The following ROBO1 variants were observed in gnomAD, a reference collection of about 807,000 sequenced individuals.
The protein encoded by ROBO1 is roundabout homolog 1.
In ROBO1, 149 loss-of-function variants were observed where a neutral mutation model predicts 195.9. That is an observed-to-expected ratio of 0.76 (90% CI 0.67 to 0.87). The LOEUF is 0.87. Ranked by LOEUF, ROBO1 falls within the 40% of genes least tolerant of loss-of-function variation. ROBO1 has a pLI of 0.00. For synonymous variants in ROBO1, 816 were observed against 733.2 expected (o/e 1.11, Z -1.82); for missense variants, 1,933 against 2,068.3 (o/e 0.93, Z 1.27).
intron 3 of ROBO1, among the ~76,000 whole-genome samples, chr3:79,121,979 A>G (rs2080125178): frequency 6.6e-6 from 1 of 152,042 alleles, no homozygotes; most frequent in African/African-American, 2.4e-5. Flanking sequence ...ATCTATACAT[A>G]AATTATACGT....
intron 2 of ROBO1, among the ~76,000 whole-genome samples, chr3:79,202,154 C>T (rs1366080834): frequency 1.3e-5 from 2 of 151,910 alleles, no homozygotes; most frequent in African/African-American, 4.8e-5. Context: ...TAGCTGTTTC[C>T]TTGCCTGAAT....
At chr3:78,936,979 A>G (rs1056086539) in intron 4 of ROBO1, among the ~76,000 whole-genome samples, 1 of 152,170 alleles carries the variant, frequency 6.6e-6, no homozygotes, top group African/African-American at 2.4e-5. Context: ...GTTCATTGTT[A>G]GTTAACTGTG....
intron 1 of ROBO1, among the ~76,000 whole-genome samples, chr3:79,726,494 G>A (rs1299433111): frequency 6.6e-6 from 1 of 151,952 alleles, no homozygotes; most frequent in Non-Finnish European, 1.5e-5. Context: ...ATAATCATGG[G>A]GCAGCTTGTA....
At chr3:78,871,824 C>G (rs2035569119) in intron 4 of ROBO1, among the ~76,000 whole-genome samples, 1 of 149,918 alleles carries the variant, frequency 6.7e-6, no homozygotes, top group African/African-American at 2.5e-5. Context: ...AAATTTTGGT[C>G]TGACACAGAC....
intron 3 of ROBO1, among the ~76,000 whole-genome samples, chr3:79,023,287 T>C (rs1023013298): frequency 6.6e-6 from 1 of 152,186 alleles, no homozygotes; most frequent in African/African-American, 2.4e-5. Flanking sequence ...GTATTTAAAT[T>C]GATGAACTGA....
intron 2 of ROBO1, among the ~76,000 whole-genome samples, chr3:79,141,971 TG>T (rs768216793): frequency 2.2e-4 from 33 of 151,996 alleles, no homozygotes; most frequent in South Asian, 6.2e-4. Flanking sequence ...CTGACATTTG[TG>T]GTTTTTTTTG....
intron 3 of ROBO1, among the ~76,000 whole-genome samples, chr3:79,100,713 C>A (rs936611777): frequency 6.6e-6 from 1 of 151,746 alleles, no homozygotes; most frequent in Non-Finnish European, 1.5e-5. Context: ...GGATTGTGGG[C>A]TTTTGTGCTC....
chr3:79,719,797 C>T (rs1221714597), intron 1 of ROBO1, among the ~76,000 whole-genome samples: 1 of 152,008 alleles, frequency 6.6e-6, no homozygotes, highest in Admixed American at 6.6e-5. Flanking sequence ...AAAACAAATA[C>T]TTTTGTTGTT....
chr3:78,634,170 CT>C lies in ROBO1; in HGVS notation c.3374-129del, dbSNP rs878884570. 37 of 552,032 alleles carry C rather than the reference CT, an allele frequency of 6.7e-5. 1 individual carries two copies. The South Asian group carries it at 9.6e-4, about 14-fold the overall frequency. 34.2% of individuals were successfully genotyped at this position (552,032 alleles called of 1,614,324 possible). ...TGGACCATTTATTTGCCTTTTTTCT[CT>C]TCTATTGTTGTATTCAGATTGTCAG... On this transcript the variant is annotated intron_variant, in intron 23 of 30. Coordinates refer to ENST00000464233, the MANE Select transcript of ROBO1 (RefSeq NM_002941.4).
At chr3:79,723,163 G>A (rs766604053) in intron 1 of ROBO1, among the ~76,000 whole-genome samples, 1 of 152,166 alleles carries the variant, frequency 6.6e-6, no homozygotes. Flanking sequence ...CCGTGACAAT[G>A]TTGGATCGTA....
At chr3:78,915,086 C>T (rs562744600) in intron 4 of ROBO1, among the ~76,000 whole-genome samples, 88 of 152,052 alleles carry the variant, frequency 5.8e-4, no homozygotes, top group African/African-American at 2.1e-3. Context: ...ACTCTTATTC[C>T]GCATGTGGCA....
intron 3 of ROBO1, among the ~76,000 whole-genome samples, chr3:78,958,223 A>G (rs74504233): frequency 6.6e-6 from 1 of 152,228 alleles, no homozygotes; most frequent in African/African-American, 2.4e-5. Flanking sequence ...TTTCTTACCT[A>G]TTCAGTCATA....
At chr3:79,479,937 T>G (rs1938749071) in intron 2 of ROBO1, among the ~76,000 whole-genome samples, 1 of 152,174 alleles carries the variant, frequency 6.6e-6, no homozygotes, top group Non-Finnish European at 1.5e-5. Context: ...CATTCCCTAG[T>G]TTTCCTTTTA....
intron 1 of ROBO1, among the ~76,000 whole-genome samples, chr3:79,643,136 G>C (rs1387353129): frequency 2.6e-5 from 4 of 152,112 alleles, no homozygotes; most frequent in Admixed American, 2.6e-4. Context: ...GACTTGCTGT[G>C]TCTTCTGGCT....
intron 2 of ROBO1, among the ~76,000 whole-genome samples, chr3:79,394,395 A>G (rs1179421675): frequency 6.6e-6 from 1 of 152,128 alleles, no homozygotes; most frequent in Admixed American, 6.5e-5. Context: ...TCCTTAAAAG[A>G]ATAAAGTAAA....
chr3:78,830,389 A>G (rs962397783), intron 4 of ROBO1, among the ~76,000 whole-genome samples: 2 of 152,212 alleles, frequency 1.3e-5, no homozygotes, highest in Non-Finnish European at 2.9e-5. Context: ...CACTGTATTA[A>G]TCTGTTCTCA....
At chr3:78,775,542 T>C (rs1247274927) in intron 4 of ROBO1, among the ~76,000 whole-genome samples, 1 of 152,180 alleles carries the variant, frequency 6.6e-6, no homozygotes, top group Non-Finnish European at 1.5e-5. Flanking sequence ...AGTAATTTAG[T>C]CACTATGCTA....
At chr3:79,527,167 A>G (rs1357547850) in intron 2 of ROBO1, among the ~76,000 whole-genome samples, 2 of 152,166 alleles carry the variant, frequency 1.3e-5, no homozygotes, top group Admixed American at 6.5e-5. Flanking sequence ...GATTTTTCCA[A>G]TAGAGGTAAA....
intron 14 of ROBO1, 127 bp from the exon 15 acceptor site, chr3:78,662,241 TC>T: frequency 4.5e-6 from 3 of 665,496 alleles, no homozygotes; most frequent in East Asian, 3.3e-5. Context: ...AGGCTGTGAT[TC>T]GGAAAAAAAA....
Sources: allele counts gnomAD v4.1 joint callset (sites outside exome capture counted in the v4.1 genomes callset), GRCh38; gene constraint gnomAD v4.1.1; transcripts MANE v1.5; gene names NCBI Gene and HGNC (gene_info 2026-07-23, HGNC 2026-07-21).